The following SCIN variants were observed in gnomAD, a reference collection of about 807,000 sequenced individuals.
The protein encoded by SCIN is scinderin, also known as adseverin.
A neutral mutation model predicts 91.8 loss-of-function variants in SCIN; 91 were observed. The observed-to-expected ratio is 0.99, with a 90% confidence interval of 0.84 to 1.18. The LOEUF is 1.18. Among genes scored for constraint, SCIN ranks in the 50% most tolerant of loss-of-function variants. SCIN has a pLI of 0.00. For missense variants in SCIN, 1,087 were observed against 863.9 expected, an observed-to-expected ratio of 1.26 and a Z score of -3.24; for synonymous variants, 367 against 312.6, an observed-to-expected ratio of 1.17 and a Z score of -1.84.
rs1205926486 is a variant in SCIN at position 12,657,905 on chromosome 7, C to G, written c.*5190C>G. On this transcript the variant is annotated 3_prime_UTR_variant, in exon 16 of 16. Transcript: ENST00000297029. ...GAATAAGAATTCAGTAGTCATATTT[C>G]CTGTTGCCTATAAAAAATTGATGCT... The G allele has an allele frequency of 6.6e-6, 1 of 151,962 alleles. No homozygotes were observed. Among genetic ancestry groups the G allele is most frequent in the East Asian group, 1.9e-4 (1 of 5,174 alleles). The allele number at this position is 151,962 out of a possible 1,614,324, so 9.4% of individuals were successfully genotyped here.
At position 12,652,742 on chromosome 7, in the gene SCIN, C is replaced by G; in HGVS notation, c.*27C>G. ...TTGGTATTTGTAAAAAGCAAACAAA[C>G]ATTACAAGGCAGTTATCTCATTGCT... is the stretch of plus-strand genomic sequence containing the variant. On this transcript the variant is annotated 3_prime_UTR_variant, in exon 16 of 16. Transcript: ENST00000297029. 6.3e-7 allele frequency: 1 copy of G among 1,590,328 alleles called. No homozygotes were observed. Among genetic ancestry groups the G allele is most frequent in the Non-Finnish European group, 8.5e-7 (1 of 1,173,238 alleles).
chr7:12,577,759 G>C (rs1782404678), intron 1 of SCIN: 1 of 401,524 alleles, frequency 2.5e-6, no homozygotes, highest in East Asian at 5.8e-5. Context: ...GTGAGACTGA[G>C]GTAGGAGGAT....
chr7:12,598,174 A>C (rs1319207504), intron 3 of SCIN, among the ~76,000 whole-genome samples: 1 of 152,218 alleles, frequency 6.6e-6, no homozygotes, highest in Non-Finnish European at 1.5e-5. Context: ...TTATAGTGAA[A>C]ACTTTCTGTT....
chr7:12,588,268 G>T (rs904111590), intron 3 of SCIN, among the ~76,000 whole-genome samples: 1 of 152,194 alleles, frequency 6.6e-6, no homozygotes, highest in African/African-American at 2.4e-5. Flanking sequence ...TGCCTAGTGC[G>T]TGCCGAGTGA....
At chr7:12,580,288 T>C (rs1562594570) in intron 2 of SCIN, among the ~76,000 whole-genome samples, 2 of 150,946 alleles carry the variant, frequency 1.3e-5, no homozygotes, top group Admixed American at 1.3e-4. Context: ...ATCATTTAAT[T>C]AGAAAAAATG....
At chr7:12,602,057 G>A (rs149332123) in intron 3 of SCIN, among the ~76,000 whole-genome samples, 107 of 152,172 alleles carry the variant, frequency 7.0e-4, no homozygotes, top group African/African-American at 2.1e-3. Context: ...AGATATCGGC[G>A]GAACCCGCTC....
intron 8 of SCIN, among the ~76,000 whole-genome samples, chr7:12,627,094 A>ACG (rs969834385): frequency 4.6e-5 from 7 of 150,540 alleles, no homozygotes; most frequent in African/African-American, 1.7e-4. Context: ...GTGTGTATAC[A>ACG]CACACACACA....
intron 2 of SCIN, among the ~76,000 whole-genome samples, chr7:12,578,909 G>GTTTTTTTTTTTTTTTTTGTTTTTTTT: frequency 1.2e-5 from 1 of 85,898 alleles, no homozygotes; most frequent in African/African-American, 5.2e-5. Context: ...TATAGGACAG[G>GTTTTTTTTTTTTTTTTTGTTTTTTTT]TTTTTTTTTT....
intron 2 of SCIN, among the ~76,000 whole-genome samples, chr7:12,579,120 G>T (rs1782437839): frequency 6.6e-6 from 1 of 151,830 alleles, no homozygotes; most frequent in South Asian, 2.1e-4. Flanking sequence ...CCCTAGTGAA[G>T]ACCTGAAACC....
rs1243971610 is a variant in SCIN, at chr7:12,655,492, T to C, written c.*2777T>C. ...CACAGAAAAGAATGAAAATGACCAGTAAATAATGAAAAGATGTTCTAAGAC... is the reference window on the plus strand; with the variant it reads ...CACAGAAAAGAATGAAAATGACCAGCAAATAATGAAAAGATGTTCTAAGAC... On this transcript the variant is annotated 3_prime_UTR_variant, in exon 16 of 16. Transcript: ENST00000297029. 6.6e-6 allele frequency: 1 copy of C among 152,094 alleles called. No homozygotes were observed. The highest frequency in any genetic ancestry group is 1.9e-4 in the East Asian group (1 of 5,194). 9.4% of individuals were successfully genotyped at this position (152,094 alleles called of 1,614,324 possible).
At chr7:12,601,081 G>A (rs745440440) in intron 3 of SCIN, among the ~76,000 whole-genome samples, 34 of 152,292 alleles carry the variant, frequency 2.2e-4, no homozygotes, top group Non-Finnish European at 3.5e-4. Flanking sequence ...AACTGCATTC[G>A]ATTCTTGAGA....
intron 3 of SCIN, among the ~76,000 whole-genome samples, chr7:12,590,015 C>T (rs1026437972): frequency 8.5e-5 from 13 of 152,056 alleles, no homozygotes; most frequent in East Asian, 1.9e-4. Context: ...TCGACTTTTC[C>T]GGATGTCTGG....
rs555848523 is a variant in SCIN, at chr7:12,598,072, T to C, written c.517-6442T>C. On this transcript the variant is annotated intron_variant, in intron 3 of 15. Transcript: ENST00000297029. ...TAGTTGCCCCTGAAACTGTTTGCTT[T>C]ACAATTTTCAGTGTCTAGCATACTT... Among the ~76,000 whole-genome samples the C allele has an allele frequency of 5.4e-4, 83 of 152,350 alleles. 1 individual carries two copies. Among genetic ancestry groups the C allele is most frequent in the African/African-American group, 1.9e-3 (77 of 41,574 alleles).
intron 3 of SCIN, among the ~76,000 whole-genome samples, chr7:12,590,404 G>C (rs1782693219): frequency 6.6e-6 from 1 of 152,098 alleles, no homozygotes; most frequent in Non-Finnish European, 1.5e-5. Flanking sequence ...TTGAGGTTAT[G>C]TCTCTTAGTG....
In SCIN at chr7:12,656,228, T is replaced by C. The variant is rs1299952196; in HGVS notation, c.*3513T>C. On this transcript the variant is annotated 3_prime_UTR_variant, in exon 16 of 16. Coordinates refer to ENST00000297029, the MANE Select transcript of SCIN (RefSeq NM_001112706.3). ...AAACATCAGTCCACTTAACTCATTA[T>C]TCAGTCATCAAGCAATTCTTGTCCC... The C allele has an allele frequency of 6.6e-6, 1 of 152,212 alleles. No homozygotes were observed. Among genetic ancestry groups the C allele is most frequent in the Non-Finnish European group, 1.5e-5 (1 of 68,040 alleles). The allele number at this position is 152,212 out of a possible 1,614,324, so 9.4% of individuals were successfully genotyped here.
At position 12,652,698 on chromosome 7, in the gene SCIN, G is replaced by A; in HGVS notation, c.2131G>A (p.Asp711Asn). The change falls in exon 16 of 16, where the codon GAT becomes AAT. Residue 711 changes from aspartate to asparagine, a missense_variant. Physicochemically the swap from Asp to Asn is conservative, Grantham distance 23 (BLOSUM62 1). Transcript: ENST00000297029. ...PTFTGWFLGW[D>N]SSKW is the part of the protein sequence containing the mutation. ...ATTCACAGGCTGGTTCCTGGGCTGG[G>A]ATTCCAGCAAGTGGTAAATTGGTAT... is the stretch of plus-strand genomic sequence containing the variant. 2 of 1,603,878 alleles carry A rather than the reference G, an allele frequency of 1.2e-6. No individual in the cohort carries two copies. Among genetic ancestry groups the A allele is most frequent in the Non-Finnish European group, 1.7e-6 (2 of 1,176,838 alleles).
At chr7:12,616,588 C>T (rs764099385) in intron 4 of SCIN, among the ~76,000 whole-genome samples, 1 of 152,076 alleles carries the variant, frequency 6.6e-6, no homozygotes, top group Non-Finnish European at 1.5e-5. Context: ...AGTTAGTTCA[C>T]CTAAAGCAGG....
In SCIN at chr7:12,657,588, T is replaced by A. The variant is rs1254576385; in HGVS notation, c.*4873T>A. 9.0e-6 allele frequency: 1 copy of A among 111,520 alleles called. No individual in the cohort carries two copies. The highest frequency in any genetic ancestry group is 4.0e-5 in the African/African-American group (1 of 25,316). The allele number at this position is 111,520 out of a possible 1,614,324, so 6.9% of individuals were successfully genotyped here. A position where few individuals can be genotyped will look rare whatever the true frequency, so the allele number is the denominator to read the frequency against. On this transcript the variant is annotated 3_prime_UTR_variant, in exon 16 of 16. Transcript: ENST00000297029. ...TATATATATATTTTTTTTTTTTTTT[T>A]TTTTTTTTTTGCATTGGCAAAAAAA...
intron 3 of SCIN, among the ~76,000 whole-genome samples, chr7:12,591,209 G>C (rs189429470): frequency 9.8e-5 from 15 of 152,290 alleles, no homozygotes; most frequent in Admixed American, 3.3e-4. Flanking sequence ...GTTGAGGGAA[G>C]CACTTCTGGT....
Sources: gnomAD v4.1 joint callset for allele counts (sites outside exome capture counted in the v4.1 genomes callset) on GRCh38, gnomAD v4.1.1 for gene constraint, MANE v1.5 for transcripts, NCBI Gene and HGNC (gene_info 2026-07-23, HGNC 2026-07-21) for gene names.